DDX55: variants seen among roughly 807,000 people sequenced by gnomAD.
DDX55 encodes DEAD-box helicase 55.
In DDX55, 56 loss-of-function variants were observed where a neutral mutation model predicts 69.2. The ratio of observed to expected loss-of-function variants is 0.81; its 90% CI spans 0.65 to 1.01. The LOEUF (loss-of-function observed/expected upper bound fraction) is 1.01. Among genes scored for constraint, DDX55 ranks in the 50% least tolerant of loss-of-function variants. The pLI is 0.00. For synonymous variants in DDX55, 268 were observed against 273.1 expected (o/e 0.98, Z 0.18); for missense variants, 720 against 745.1 (o/e 0.97, Z 0.39).
intron 10 of DDX55, among the ~76,000 whole-genome samples, chr12:123,617,488 G>A (rs954901387): frequency 1.3e-5 from 2 of 152,122 alleles, no homozygotes; most frequent in Admixed American, 6.6e-5. Context: ...TTTCCACTGG[G>A]GACTATGTCC....
intron 9 of DDX55, among the ~76,000 whole-genome samples, chr12:123,615,863 T>TC (rs1238131144): frequency 6.6e-6 from 1 of 152,184 alleles, no homozygotes; most frequent in Non-Finnish European, 1.5e-5. Flanking sequence ...GCGCCTGTAG[T>TC]CCCAGCTACT....
chr12:123,604,047 G>A lies in DDX55; in HGVS notation c.108+1791G>A, dbSNP rs1020328606. Reference sequence around the variant, plus strand: ...TGAACTCCTGACCTCAGGTACGCCCGCCTTGGCCTCCCAAAGTGCTGGGAT... The same window carrying A: ...TGAACTCCTGACCTCAGGTACGCCCACCTTGGCCTCCCAAAGTGCTGGGAT... On this transcript the variant is annotated intron_variant, in intron 1 of 13. Transcript: ENST00000238146. Among the ~76,000 whole-genome samples, 14 of 151,540 alleles carry A rather than the reference G, an allele frequency of 9.2e-5. No homozygotes were observed. The East Asian group carries it at 2.8e-3, about 30-fold the overall frequency.
In DDX55 at chr12:123,607,537, A is replaced by G; in HGVS notation, c.338+14A>G. On this transcript the variant is annotated intron_variant, in intron 4 of 13. Transcript: ENST00000238146. ...CCCCGAGTTCAGGTGAATTGGATGC[A>G]GTGTCCCTGTTAGTCATGGGCTGTT... The G allele has an allele frequency of 6.2e-7, 1 of 1,614,196 alleles. No homozygotes were observed. Among genetic ancestry groups the G allele is most frequent in the Non-Finnish European group, 8.5e-7 (1 of 1,180,042 alleles).
Position 123,615,276 on chromosome 12 carries a change from A to G in DDX55, c.916A>G (p.Lys306Glu), listed in dbSNP as rs1369083207. ...GTGCATTCACGGAAAGATGAAATAT[A>G]AACGCAATAAGATCTTCATGGAGTT... ...IMCIHGKMKY[K>E]RNKIFMEFRK... The change falls in exon 9 of 14, where the codon AAA (lysine) becomes GAA (glutamate). Residue 306 changes from lysine (K) to glutamate (E), a missense_variant. Transcript: ENST00000238146. 2 of 1,614,126 alleles carry G rather than the reference A, an allele frequency of 1.2e-6. No homozygotes were observed. The highest frequency in any genetic ancestry group is 1.7e-5 in the Admixed American group (1 of 60,026).
intron 11 of DDX55, 87 bp from the exon 12 acceptor site, chr12:123,618,582 C>G: frequency 1.3e-6 from 2 of 1,559,816 alleles, no homozygotes; most frequent in East Asian, 2.3e-5. Context: ...AATTGTTTCG[C>G]TTTTGTTTTT....
chr12:123,615,855 G>A (rs955386236), intron 9 of DDX55, among the ~76,000 whole-genome samples: 3 of 152,178 alleles, frequency 2.0e-5, no homozygotes, highest in South Asian at 4.1e-4. Context: ...GGTGGCTGGC[G>A]CCTGTAGTCC....
intron 5 of DDX55, chr12:123,607,960 G>C (rs1308357679): frequency 2.3e-6 from 1 of 441,378 alleles, no homozygotes; most frequent in African/African-American, 2.0e-5. Flanking sequence ...TGAATACTCA[G>C]CTCCAGCTGG....
In DDX55 at chr12:123,620,580, T is replaced by TTATATATATA. The variant is rs68169681; in HGVS notation, c.*479_*488dup. ...GGTCACATATAGACATATGTACATA[T>TTATATATATA]TATATATATATATATATATATATAT... is the stretch of plus-strand genomic sequence containing the variant. On this transcript the variant is annotated 3_prime_UTR_variant, in exon 14 of 14. Transcript: ENST00000238146. 107 of 65,288 alleles carry TTATATATATA rather than the reference T, an allele frequency of 1.6e-3. No individual in the cohort carries two copies. The highest frequency in any genetic ancestry group is 4.2e-3 in the East Asian group (3 of 722). The allele number at this position is 65,288 out of a possible 1,614,324, so 4.0% of individuals were successfully genotyped here. A position where few individuals can be genotyped will look rare whatever the true frequency, so the allele number is the denominator to read the frequency against.
intron 3 of DDX55, among the ~76,000 whole-genome samples, chr12:123,606,573 T>C (rs1243773627): frequency 6.9e-6 from 1 of 144,514 alleles, no homozygotes; most frequent in Non-Finnish European, 1.5e-5. Context: ...TTTAGTGCCA[T>C]GTTTTTTACC....
intron 3 of DDX55, among the ~76,000 whole-genome samples, chr12:123,606,781 A>G (rs1953919437): frequency 1.3e-5 from 2 of 151,756 alleles, no homozygotes; most frequent in South Asian, 4.2e-4. Flanking sequence ...TTGACATGTT[A>G]CCCAGGCTGG....
chr12:123,605,860 C>A, intron 1 of DDX55, 71 bp from the exon 2 acceptor site: 2 of 1,605,574 alleles, frequency 1.2e-6, no homozygotes, highest in South Asian at 1.1e-5. Context: ...CCATTATGTT[C>A]CTAGGGCTTC....
chr12:123,617,924 A>G, intron 11 of DDX55, 52 bp downstream of exon 11: 2 of 1,537,190 alleles, frequency 1.3e-6, no homozygotes, highest in Non-Finnish European at 1.8e-6. Flanking sequence ...GGTAGCTGGA[A>G]AAGTTCTCCA....
chr12:123,618,820 T>C lies in DDX55; in HGVS notation c.1316T>C (p.Leu439Pro), dbSNP rs746538098. The stretch of plus-strand genomic sequence containing the variant: ...GCTTATGCAAAGCATGAATGCAACC[T>C]GATTTTCAGATTAAAGGGTAAGTTG... ...VQAYAKHECN[L>P]IFRLKDLDFA... Residue 439 changes from leucine (L) to proline (P), a missense_variant, in exon 12 of 14, where the codon CTG becomes CCG. Physicochemically the swap from Leu to Pro is moderately conservative, Grantham distance 98 (BLOSUM62 -3). Transcript: ENST00000238146. 5.6e-6 allele frequency: 9 copies of C among 1,613,902 alleles called. No homozygotes were observed. Among genetic ancestry groups the C allele is most frequent in the Non-Finnish European group, 7.6e-6 (9 of 1,179,944 alleles).
Position 123,607,888 on chromosome 12 carries a change from A to C in DDX55, c.401+226A>C, listed in dbSNP as rs1251190929. The C allele has an allele frequency of 5.0e-6, 3 of 597,384 alleles. No homozygotes were observed. The African/African-American group carries it at 5.6e-5, about 11-fold the overall frequency. 37.0% of individuals were successfully genotyped at this position (597,384 alleles called of 1,614,324 possible). On this transcript the variant is annotated intron_variant, in intron 5 of 13. Transcript: ENST00000238146. ...GGTTCTTACAGAGGTCAAGAGAACG[A>C]CGTGAAGATAAATGAGTGGTCAGGG...
chr12:123,602,962 TA>T (rs1212246870), intron 1 of DDX55, among the ~76,000 whole-genome samples: 9 of 152,108 alleles, frequency 5.9e-5, no homozygotes, highest in African/African-American at 2.2e-4. Flanking sequence ...CTGAGGTGAC[TA>T]GGGGGAGATT....
chr12:123,606,915 T>G (rs1341697449), intron 3 of DDX55, among the ~76,000 whole-genome samples: 1 of 152,114 alleles, frequency 6.6e-6, no homozygotes, highest in African/African-American at 2.4e-5. Flanking sequence ...TGATTTTGGT[T>G]TTTGAAATGG....
intron 12 of DDX55, among the ~76,000 whole-genome samples, 178 bp from the exon 13 acceptor site, chr12:123,619,254 C>T (rs1031751140): frequency 6.6e-6 from 1 of 152,364 alleles, no homozygotes; most frequent in East Asian, 1.9e-4. Flanking sequence ...CCGCCCACCT[C>T]GGCCTCGCAA....
chr12:123,611,177 G>A (rs1167834785), intron 7 of DDX55, among the ~76,000 whole-genome samples: 1 of 152,236 alleles, frequency 6.6e-6, no homozygotes. Flanking sequence ...GGGATTACAA[G>A]AATGAGCCAT....
rs754397331 is a variant in DDX55, at chr12:123,616,504, T to C, written c.957-7T>C. 6.2e-7 allele frequency: 1 copy of C among 1,614,018 alleles called. No homozygotes were observed. The highest frequency in any genetic ancestry group is 8.5e-7 in the Non-Finnish European group (1 of 1,179,904). ...CTTACTCAGAATGCTTTTTTCTCAT[T>C]TCCTAGTGGGATTTTAGTGTGCACT... On this transcript the variant is annotated splice_region_variant and splice_polypyrimidine_tract_variant and intron_variant, in intron 9 of 13. Transcript: ENST00000238146.
Sources: gnomAD v4.1 joint callset for allele counts (sites outside exome capture counted in the v4.1 genomes callset) on GRCh38, gnomAD v4.1.1 for gene constraint, MANE v1.5 for transcripts, NCBI Gene and HGNC (gene_info 2026-07-23, HGNC 2026-07-21) for gene names.